TBC1D14: variants seen among roughly 807,000 people sequenced by gnomAD.
TBC1D14 encodes the protein TBC1 domain family, member 14.
Under a neutral mutation model 79.0 loss-of-function variants are expected in TBC1D14, and 26 were observed. That is an observed-to-expected ratio of 0.33 (90% confidence interval 0.24 to 0.46). The LOEUF is 0.46. TBC1D14 is among the 20% of genes least tolerant of loss of function. The pLI is 1.00. For synonymous variants in TBC1D14, 394 were observed against 349.9 expected (o/e 1.13, Z -1.40); for missense variants, 769 against 887.6 (o/e 0.87, Z 1.70).
chr4:6,977,241 C>G (rs1716829190), intron 3 of TBC1D14, among the ~76,000 whole-genome samples: 1 of 147,070 alleles, frequency 6.8e-6, no homozygotes. Flanking sequence ...CTGCCTCAGC[C>G]TGCCGAGTGC....
At chr4:6,914,640 A>G (rs1282483671) in intron 1 of TBC1D14, among the ~76,000 whole-genome samples, 1 of 152,210 alleles carries the variant, frequency 6.6e-6, no homozygotes, top group East Asian at 1.9e-4. Flanking sequence ...CATGGAATGC[A>G]GTGCCTGATG....
chr4:6,935,214 C>T (rs1412458023), intron 2 of TBC1D14, among the ~76,000 whole-genome samples: 1 of 150,976 alleles, frequency 6.6e-6, no homozygotes, highest in Non-Finnish European at 1.5e-5. Flanking sequence ...TAGCTGGAGG[C>T]AGAAGTGGTG....
chr4:7,028,074 A>G (rs892850163), intron 13 of TBC1D14, among the ~76,000 whole-genome samples: 2 of 141,358 alleles, frequency 1.4e-5, no homozygotes, highest in Non-Finnish European at 3.1e-5. Context: ...ACACACACCT[A>G]CAGATCACCC....
At chr4:6,914,625 A>G (rs1287076028) in intron 1 of TBC1D14, among the ~76,000 whole-genome samples, 5 of 152,190 alleles carry the variant, frequency 3.3e-5, no homozygotes, top group Non-Finnish European at 7.3e-5. Context: ...ACTAGTGCAT[A>G]TAGACATGGA....
chr4:6,917,471 G>C (rs993418175), intron 1 of TBC1D14, among the ~76,000 whole-genome samples: 1 of 152,076 alleles, frequency 6.6e-6, no homozygotes, highest in Non-Finnish European at 1.5e-5. Flanking sequence ...CAGAGGAGGT[G>C]GCCTTTGAAA....
intron 3 of TBC1D14, among the ~76,000 whole-genome samples, chr4:6,968,636 A>C (rs1715916225): frequency 6.6e-6 from 1 of 151,908 alleles, no homozygotes; most frequent in Non-Finnish European, 1.5e-5. Context: ...AGCATGAGCT[A>C]AGGACAATGT....
intron 12 of TBC1D14, among the ~76,000 whole-genome samples, chr4:7,019,886 G>T (rs1312476605): frequency 9.8e-5 from 6 of 61,022 alleles, no homozygotes; most frequent in Non-Finnish European, 1.2e-4. Context: ...AGGACTCTGG[G>T]ACACAGAGGT....
intron 5 of TBC1D14, 138 bp downstream of exon 5, chr4:6,996,545 A>G (rs1391601303): frequency 4.3e-6 from 3 of 697,846 alleles, no homozygotes; most frequent in Non-Finnish European, 7.2e-6. Flanking sequence ...TAAAAAAAAA[A>G]AAAAGATGCA....
intron 2 of TBC1D14, among the ~76,000 whole-genome samples, chr4:6,932,534 C>T (rs1471262171): frequency 2.0e-5 from 3 of 152,150 alleles, no homozygotes; most frequent in Non-Finnish European, 2.9e-5. Flanking sequence ...GGGATAGGGT[C>T]AGTGGGACCA....
Position 7,032,878 on chromosome 4 carries a change from C to G in TBC1D14, c.*2486C>G, listed in dbSNP as rs936393497. 1.3e-5 allele frequency: 2 copies of G among 152,382 alleles called. No individual in the cohort carries two copies. Among genetic ancestry groups the G allele is most frequent in the African/African-American group, 4.8e-5 (2 of 41,462 alleles). 9.4% of individuals were successfully genotyped at this position (152,382 alleles called of 1,614,324 possible). A position where few individuals can be genotyped will look rare whatever the true frequency, so the allele number is the denominator to read the frequency against. On this transcript the variant is annotated 3_prime_UTR_variant, in exon 14 of 14. Coordinates refer to ENST00000409757, the MANE Select transcript of TBC1D14 (RefSeq NM_020773.3). ...AGTAGAGTGAGGCTGCCTCTCCCGC[C>G]AGGCATTGGGATCCCATTTAGAAAC...
At chr4:6,949,949 G>T (rs1180795377) in intron 2 of TBC1D14, among the ~76,000 whole-genome samples, 1 of 152,026 alleles carries the variant, frequency 6.6e-6, no homozygotes, top group Non-Finnish European at 1.5e-5. Flanking sequence ...AGAACATGCA[G>T]GTTTGTTACA....
chr4:7,011,823 G>T (rs866027663), intron 11 of TBC1D14, among the ~76,000 whole-genome samples: 53 of 151,502 alleles, frequency 3.5e-4, no homozygotes, highest in Admixed American at 1.5e-3. Context: ...CTCCCAAATT[G>T]CTGGGATTAC....
intron 6 of TBC1D14, among the ~76,000 whole-genome samples, chr4:6,999,609 G>T (rs1276726255): frequency 6.6e-6 from 1 of 152,058 alleles, no homozygotes; most frequent in Non-Finnish European, 1.5e-5. Context: ...TCTCCCTAGG[G>T]AGCCCCCCAT....
intron 12 of TBC1D14, among the ~76,000 whole-genome samples, chr4:7,016,790 T>G (rs145457665): frequency 6.6e-6 from 1 of 152,216 alleles, no homozygotes; most frequent in African/African-American, 2.4e-5. Context: ...ATCCACTGGC[T>G]GTTGTCTGGG....
chr4:6,971,423 A>T (rs958188543), intron 3 of TBC1D14, among the ~76,000 whole-genome samples: 2 of 152,182 alleles, frequency 1.3e-5, no homozygotes, highest in African/African-American at 4.8e-5. Flanking sequence ...TGCCCAGTAC[A>T]TCGGATTTTA....
chr4:6,914,895 C>T (rs1422348047), intron 1 of TBC1D14, among the ~76,000 whole-genome samples: 3 of 152,064 alleles, frequency 2.0e-5, no homozygotes, highest in Non-Finnish European at 2.9e-5. Context: ...AAAAATTAGC[C>T]GGGCGTGGTG....
At chr4:6,997,822 C>T (rs2059919582) in intron 5 of TBC1D14, among the ~76,000 whole-genome samples, 1 of 152,014 alleles carries the variant, frequency 6.6e-6, no homozygotes, top group African/African-American at 2.4e-5. Context: ...AGCAGTCAAA[C>T]TCAGAGACAA....
intron 2 of TBC1D14, among the ~76,000 whole-genome samples, chr4:6,962,413 G>T (rs536856847): frequency 6.6e-6 from 1 of 152,240 alleles, no homozygotes; most frequent in African/African-American, 2.4e-5. Flanking sequence ...TGGGGTTGCG[G>T]CAGCTGCAGG....
intron 2 of TBC1D14, among the ~76,000 whole-genome samples, chr4:6,958,374 T>TACAC (rs529020444): frequency 0.027 from 1,162 of 42,284 alleles, 5 homozygotes; most frequent in South Asian, 0.057. Flanking sequence ...GATCCCCACA[T>TACAC]ATACACACAC....
Sources: allele counts gnomAD v4.1 joint callset (sites outside exome capture counted in the v4.1 genomes callset), GRCh38; gene constraint gnomAD v4.1.1; transcripts MANE v1.5; gene names NCBI Gene and HGNC (gene_info 2026-07-23, HGNC 2026-07-21).